Variants in PLIN1 observed in about 807,000 individuals in gnomAD.
The protein encoded by PLIN1 is perilipin 1.
A neutral mutation model predicts 45.8 loss-of-function variants in PLIN1; 37 were observed. The observed-to-expected ratio is 0.81, with a 90% CI of 0.62 to 1.06. The LOEUF is 1.06. PLIN1 is among the 50% of genes least tolerant of loss of function. The pLI, the probability that PLIN1 is intolerant of heterozygous loss-of-function variation, is 0.00. For synonymous variants in PLIN1, 340 were observed against 309.2 expected (o/e 1.10, Z -1.05); for missense variants, 776 against 716.5 (o/e 1.08, Z -0.95).
chr15:89,677,680 G>C (rs1442840327), intron 1 of PLIN1, 177 bp from the exon 2 acceptor site: 3 of 681,774 alleles, frequency 4.4e-6, no homozygotes, highest in Non-Finnish European at 8.0e-6. Flanking sequence ...ACTCCTTAGG[G>C]TCCCATAGCA....
At chr15:89,671,304 CAGGG>C (rs150261608) in intron 4 of PLIN1, among the ~76,000 whole-genome samples, 174 bp downstream of exon 4, 2,665 of 152,288 alleles carry the variant, frequency 0.017, 82 homozygotes, top group African/African-American at 0.059. Flanking sequence ...TTTAGCTTCA[CAGGG>C]AGAAGAGGAG....
chr15:89,666,768 G>A lies in PLIN1; in HGVS notation c.1209+168C>T, dbSNP rs556392723. Among the ~76,000 whole-genome samples the A allele has an allele frequency of 4.3e-4, 66 of 152,334 alleles. 1 individual carries two copies. Among genetic ancestry groups the A allele is most frequent in the African/African-American group, 1.5e-3 (64 of 41,572 alleles). The stretch of plus-strand genomic sequence containing the variant: ...CCTCTATACTCCTGGGGCTGGGAGA[G>A]GCCCAGTATGTTAAAATGTTGCCAG... On this transcript the variant is annotated intron_variant, in intron 8 of 8. Coordinates refer to ENST00000300055, the MANE Select transcript of PLIN1 (RefSeq NM_002666.5).
In PLIN1 at chr15:89,667,604, C is replaced by T. The variant is rs1315708176; in HGVS notation, c.961G>A (p.Glu321Lys). The T allele has an allele frequency of 2.8e-5, 46 of 1,614,064 alleles. No individual in the cohort carries two copies. Among genetic ancestry groups the T allele is most frequent in the Non-Finnish European group, 3.8e-5 (45 of 1,180,008 alleles). Residue 321 changes from glutamate (E) to lysine (K), a missense_variant and splice_region_variant, in exon 7 of 9, where the codon GAG becomes AAG. Transcript: ENST00000300055. ...GAGGCTCCCACTCTCCCCCTCACCT[C>T]ACTGAACTTGTTCTCCTCAGTCTCC... ...ELETEENKFSEVAALPGPRGL... is the reference protein window; with the variant it reads ...ELETEENKFSKVAALPGPRGL...
In PLIN1 at chr15:89,676,458, A is replaced by AG. The variant is rs201278154; in HGVS notation, c.45+986dup. On this transcript the variant is annotated intron_variant, in intron 2 of 8. Transcript: ENST00000300055. ...GAGATGGGGTTTCACTGTGTTAGCC[A>AG]GGATGGTCTTGATCTCCTGACCTTG... 1.4e-3 allele frequency among the ~76,000 whole-genome samples: 213 copies of AG among 152,280 alleles called. 2 individuals carry two copies. In the East Asian group the frequency reaches 0.037, roughly 26 times the overall value.
chr15:89,672,114 G>A (rs1464347363), intron 3 of PLIN1, among the ~76,000 whole-genome samples: 1 of 152,188 alleles, frequency 6.6e-6, no homozygotes, highest in Non-Finnish European at 1.5e-5. Context: ...TCCCAGCACA[G>A]CCAGTGCAGG....
At position 89,664,671 on chromosome 15, in the gene PLIN1, G is replaced by T; in HGVS notation, c.*912C>A. The stretch of plus-strand genomic sequence containing the variant: ...GGTGCATAGCCCTGCATACACAAGA[G>T]ATGGCACCGTGGTGGTTTTCAATGA... On this transcript the variant is annotated 3_prime_UTR_variant, in exon 9 of 9. Transcript: ENST00000300055. The T allele has an allele frequency of 5.4e-6, 2 of 370,772 alleles. No homozygotes were observed. 23.0% of individuals were successfully genotyped at this position (370,772 alleles called of 1,614,324 possible).
chr15:89,667,243 C>A, intron 7 of PLIN1, 62 bp from the exon 8 acceptor site: 1 of 1,601,750 alleles, frequency 6.2e-7, no homozygotes, highest in Non-Finnish European at 8.5e-7. Flanking sequence ...CCCTCCCCAC[C>A]AGCCCCAGGG....
Position 89,670,019 on chromosome 15 carries a change from C to T in PLIN1, c.559G>A (p.Val187Met), listed in dbSNP as rs779694833. Reference sequence around the variant, plus strand: ...TCTGGAGGGAGGAGGTACTCCACCACCTTCTCAATGCTGCCCAAGGCCAAG... The same window carrying T: ...TCTGGAGGGAGGAGGTACTCCACCATCTTCTCAATGCTGCCCAAGGCCAAG... ...ADLALGSIEKVVEYLLPPDKE... is the reference protein window; with the variant it reads ...ADLALGSIEKMVEYLLPPDKE... The change falls in exon 5 of 9, where the codon GTG (valine) becomes ATG (methionine). Residue 187 changes from valine (V) to methionine (M), a missense_variant. Physicochemically the swap from Val to Met is conservative, Grantham distance 21. Transcript: ENST00000300055. 6.2e-7 allele frequency: 1 copy of T among 1,613,618 alleles called. No homozygotes were observed. Among genetic ancestry groups the T allele is most frequent in the Non-Finnish European group, 8.5e-7 (1 of 1,179,850 alleles).
rs755524412 is a variant in PLIN1, at chr15:89,665,699, G to A, written c.1453C>T (p.Pro485Ser). The A allele has an allele frequency of 6.8e-6, 10 of 1,471,298 alleles. No homozygotes were observed. Among genetic ancestry groups the A allele is most frequent in the South Asian group, 3.9e-5 (3 of 77,258 alleles). The allele number at this position is 1,471,298 out of a possible 1,614,324, so 91.1% of individuals were successfully genotyped here. A position where few individuals can be genotyped will look rare whatever the true frequency, so the allele number is the denominator to read the frequency against. The change falls in exon 9 of 9, where the codon CCG (proline) becomes TCG (serine). Residue 485 changes from proline to serine, a missense_variant. Physicochemically the swap from Pro to Ser is moderately conservative, Grantham distance 74. Coordinates refer to ENST00000300055, the MANE Select transcript of PLIN1 (RefSeq NM_002666.5). ...ATPAAPRPGF[P>S]AVPREKPKRR... ...TTTGGCTTCTCGCGGGGCACGGCCG[G>A]GAAGCCCGGGCGCGGCGCTGCGGGC...
At position 89,664,858 on chromosome 15, in the gene PLIN1, AT is replaced by A. The variant is rs1301143911; in HGVS notation, c.*724del. Reference sequence around the variant, plus strand: ...TACATAAAGTCTATATATCATCACCATTTTGGTTCCCCAGCATCAAAAGAGT... The same window carrying A: ...TACATAAAGTCTATATATCATCACCATTTGGTTCCCCAGCATCAAAAGAGT... On this transcript the variant is annotated 3_prime_UTR_variant, in exon 9 of 9. Transcript: ENST00000300055. 1 of 456,094 alleles carries A rather than the reference AT, an allele frequency of 2.2e-6. No individual in the cohort carries two copies. The highest frequency in any genetic ancestry group is 1.5e-5 in the South Asian group (1 of 64,560). The allele number at this position is 456,094 out of a possible 1,614,324, so 28.3% of individuals were successfully genotyped here.
chr15:89,673,130 G>A (rs1434715467), intron 3 of PLIN1, 80 bp downstream of exon 3: 11 of 1,089,510 alleles, frequency 1.0e-5, no homozygotes, highest in Non-Finnish European at 1.5e-5. Context: ...CAGACAGTCA[G>A]ACAGACTGAG....
Position 89,670,221 on chromosome 15 carries a change from G to A in PLIN1, c.357C>T (p.Thr119=). 2 of 1,613,104 alleles carry A rather than the reference G, an allele frequency of 1.2e-6. No individual in the cohort carries two copies. The highest frequency in any genetic ancestry group is 2.7e-5 in the African/African-American group (2 of 75,046). ...TGGCACTGCGGAGGCGGGTGGAGAT[G>A]GTGTCCTTCAGCTCAGAAGCAATCT... The part of the protein sequence containing the change: ...PEKIASELKD[T]ISTRLRSARN... Residue 119 remains threonine (T), a synonymous_variant, in exon 5 of 9, where the codon ACC becomes ACT. Transcript: ENST00000300055.
chr15:89,678,339 G>A (rs543482711), intron 1 of PLIN1, among the ~76,000 whole-genome samples: 2 of 151,392 alleles, frequency 1.3e-5, no homozygotes, highest in South Asian at 2.1e-4. Context: ...GTGAAACTCC[G>A]TCTCTGCTAA....
At chr15:89,675,932 GA>G (rs1964508747) in intron 2 of PLIN1, among the ~76,000 whole-genome samples, 1 of 152,172 alleles carries the variant, frequency 6.6e-6, no homozygotes, top group African/African-American at 2.4e-5. Context: ...AAGTGAGGAC[GA>G]GGCGGGATTG....
At chr15:89,673,141 A>G (rs1326821210) in intron 3 of PLIN1, 69 bp downstream of exon 3, 1 of 1,164,288 alleles carries the variant, frequency 8.6e-7, no homozygotes, top group Non-Finnish European at 1.2e-6. Flanking sequence ...ACAGACTGAG[A>G]GGCGGACAGA....
Position 89,667,704 on chromosome 15 carries a change from G to C in PLIN1, c.861C>G (p.Leu287=). The change falls in exon 7 of 9, where the codon CTC becomes CTG. Residue 287 remains leucine (L), a synonymous_variant. Transcript: ENST00000300055. ...SEVRVPWLHS[L]AAAQEEDHED... ...CATGATCCTCCTCCTGGGCGGCTGC[G>C]AGGCTGTGCAGCCAGGGTACCCGCA... 6.3e-7 allele frequency: 1 copy of C among 1,586,940 alleles called. No individual in the cohort carries two copies. Among genetic ancestry groups the C allele is most frequent in the Non-Finnish European group, 8.6e-7 (1 of 1,166,646 alleles).
chr15:89,674,369 A>C (rs1446762689), intron 2 of PLIN1, among the ~76,000 whole-genome samples: 1 of 152,176 alleles, frequency 6.6e-6, no homozygotes, highest in East Asian at 1.9e-4. Flanking sequence ...CAGTCCCCAC[A>C]CTTGTGCCTC....
At chr15:89,675,776 C>T (rs932997106) in intron 2 of PLIN1, among the ~76,000 whole-genome samples, 1 of 152,016 alleles carries the variant, frequency 6.6e-6, no homozygotes, top group Non-Finnish European at 1.5e-5. Context: ...AACACTGAGT[C>T]GATGAGGAGA....
chr15:89,673,376 C>T lies in PLIN1; in HGVS notation c.84G>A (p.Pro28=), dbSNP rs375961293. Residue 28 remains proline, a synonymous_variant, in exon 3 of 9, where the codon CCG becomes CCA. Coordinates refer to ENST00000300055, the MANE Select transcript of PLIN1 (RefSeq NM_002666.5). The part of the protein sequence containing the change: ...ENVLQRVLQL[P]VVSGTCECFQ... ...AGCATTCGCAGGTGCCACTCACCAC[C>T]GGCAGCTGCAGGACCCGCTGCAGCA... The T allele has an allele frequency of 5.6e-6, 9 of 1,604,700 alleles. No homozygotes were observed. The highest frequency in any genetic ancestry group is 6.8e-6 in the Non-Finnish European group (8 of 1,175,552).
Sources: allele counts gnomAD v4.1 joint callset (sites outside exome capture counted in the v4.1 genomes callset), GRCh38; gene constraint gnomAD v4.1.1; transcripts MANE v1.5; gene names NCBI Gene and HGNC (gene_info 2026-07-23, HGNC 2026-07-21).